ARHGEF26: variants seen among roughly 807,000 people sequenced by gnomAD.
ARHGEF26 encodes the protein Rho guanine nucleotide exchange factor 26, also known as Rho guanine nucleotide exchange factor (GEF) 26.
Under a neutral mutation model 89.4 loss-of-function variants are expected in ARHGEF26, and 59 were observed. That is an observed-to-expected ratio of 0.66 (90% confidence interval 0.54 to 0.82). The LOEUF (loss-of-function observed/expected upper bound fraction) is 0.82, where lower values mean the gene tolerates loss of function less well. ARHGEF26 is among the 40% of genes least tolerant of loss of function. The pLI is 0.00. For missense variants in ARHGEF26, 1,234 were observed against 1,085.6 expected, an observed-to-expected ratio of 1.14 and a Z score of -1.92; for synonymous variants, 500 against 428.4, an observed-to-expected ratio of 1.17 and a Z score of -2.06.
In ARHGEF26 at chr3:154,188,509, A is replaced by G. The variant is rs181625031; in HGVS notation, c.1640+672A>G. 3.3e-5 allele frequency among the ~76,000 whole-genome samples: 5 copies of G among 152,306 alleles called. No individual in the cohort carries two copies. In the East Asian group the frequency reaches 7.7e-4, roughly 23 times the overall value. ...ATCTGTGTCCTTAAAAGAGTCACCA[A>G]TTGTTCAGTAATGCCTATATGTATT... On this transcript the variant is annotated intron_variant, in intron 7 of 14. Coordinates refer to ENST00000465093, the MANE Select transcript of ARHGEF26 (RefSeq NM_015595.4).
chr3:154,231,463 T>C (rs1716818437), intron 11 of ARHGEF26, among the ~76,000 whole-genome samples: 1 of 152,166 alleles, frequency 6.6e-6, no homozygotes, highest in Non-Finnish European at 1.5e-5. Flanking sequence ...AATAACATCA[T>C]CTTCATCATG....
At chr3:154,216,484 T>TTA (rs1559905513) in intron 9 of ARHGEF26, among the ~76,000 whole-genome samples, 2,201 of 37,808 alleles carry the variant, frequency 0.058, 41 homozygotes, top group Admixed American at 0.1. Context: ...ACTTGTTTTT[T>TTA]TTTTTTTATT....
chr3:154,222,042 C>T (rs1716165580), intron 10 of ARHGEF26, among the ~76,000 whole-genome samples: 1 of 152,280 alleles, frequency 6.6e-6, no homozygotes, highest in African/African-American at 2.4e-5. Flanking sequence ...ATAATGTACC[C>T]TTATTATTAA....
At chr3:154,202,429 G>A (rs1017804783) in intron 9 of ARHGEF26, among the ~76,000 whole-genome samples, 2 of 152,106 alleles carry the variant, frequency 1.3e-5, no homozygotes, top group African/African-American at 4.8e-5. Context: ...TTGAAGTCAG[G>A]TAGCGTGATG....
intron 11 of ARHGEF26, among the ~76,000 whole-genome samples, chr3:154,235,497 A>C (rs1373697614): frequency 6.6e-6 from 1 of 152,224 alleles, no homozygotes; most frequent in Non-Finnish European, 1.5e-5. Context: ...CAATGATGTC[A>C]TCTGCAAAGA....
At chr3:154,253,243 A>G in intron 13 of ARHGEF26, 60 bp downstream of exon 13, 2 of 1,588,552 alleles carry the variant, frequency 1.3e-6, no homozygotes, top group South Asian at 2.2e-5. Context: ...CCCCTGCTGG[A>G]CGCCGGGTTA....
intron 9 of ARHGEF26, among the ~76,000 whole-genome samples, chr3:154,204,725 A>G (rs1403929860): frequency 2.6e-5 from 4 of 151,978 alleles, no homozygotes; most frequent in African/African-American, 4.8e-5. Flanking sequence ...TTGTGTTTCC[A>G]TTATCATTTG....
At position 154,203,248 on chromosome 3, in the gene ARHGEF26, T is replaced by G. The variant is rs530297948; in HGVS notation, c.1845+8530T>G. On this transcript the variant is annotated intron_variant, in intron 9 of 14. Transcript: ENST00000465093. ...TGTCAAAGGCCTTTTCTGCATCTGTTGAGAAATCATATGGTTTTTGTCTTT... is the reference window on the plus strand; with the variant it reads ...TGTCAAAGGCCTTTTCTGCATCTGTGGAGAAATCATATGGTTTTTGTCTTT... Among the ~76,000 whole-genome samples the G allele has an allele frequency of 5.9e-5, 9 of 152,284 alleles. No individual in the cohort carries two copies. The South Asian group carries it at 1.9e-3, about 32-fold the overall frequency.
At chr3:154,142,869 C>T (rs976726024) in intron 4 of ARHGEF26, among the ~76,000 whole-genome samples, 4 of 152,174 alleles carry the variant, frequency 2.6e-5, no homozygotes, top group Admixed American at 6.5e-5. Flanking sequence ...CACTCATTTT[C>T]AGCACTGCCT....
intron 5 of ARHGEF26, among the ~76,000 whole-genome samples, chr3:154,149,931 A>T (rs1719921293): frequency 1.3e-5 from 2 of 151,818 alleles, no homozygotes; most frequent in South Asian, 4.1e-4. Flanking sequence ...TTAGTAAAAA[A>T]AAAAAAAACA....
chr3:154,256,468 C>G lies in ARHGEF26; in HGVS notation c.*995C>G, dbSNP rs533425160. On this transcript the variant is annotated 3_prime_UTR_variant, in exon 15 of 15. Transcript: ENST00000465093. The stretch of plus-strand genomic sequence containing the variant: ...TTAACTCCTGCCCTCAAGTGATCCA[C>G]CAGAGAGGAGATCCTCGGCCTCCCC... The G allele has an allele frequency of 7.9e-6, 7 of 891,498 alleles. No individual in the cohort carries two copies. The South Asian group carries it at 3.6e-4, about 46-fold the overall frequency. 55.2% of individuals were successfully genotyped at this position (891,498 alleles called of 1,614,324 possible).
intron 9 of ARHGEF26, among the ~76,000 whole-genome samples, chr3:154,212,174 A>G (rs1231869252): frequency 2.0e-5 from 3 of 152,002 alleles, no homozygotes; most frequent in African/African-American, 7.3e-5. Flanking sequence ...CCTCTTCTCC[A>G]CAGTAAATCA....
At chr3:154,254,948 C>A in intron 14 of ARHGEF26, 124 bp downstream of exon 14, 2 of 795,908 alleles carry the variant, frequency 2.5e-6, no homozygotes, top group Non-Finnish European at 4.1e-6. Context: ...TTTGAGATCA[C>A]ATATATGTAC....
rs938247762 is a variant in ARHGEF26 at position 154,121,950 on chromosome 3, A to G, written c.-43A>G. On this transcript the variant is annotated 5_prime_UTR_variant, in exon 2 of 15. Transcript: ENST00000465093. The stretch of plus-strand genomic sequence containing the variant: ...ACTTCTTTCCTCTTTAGGCAAGACT[A>G]ACTCGGTGTTGCTCCTCCCGGCGCT... 4 of 1,545,536 alleles carry G rather than the reference A, an allele frequency of 2.6e-6. No individual in the cohort carries two copies. The highest frequency in any genetic ancestry group is 2.7e-5 in the African/African-American group (2 of 72,770).
intron 6 of ARHGEF26, among the ~76,000 whole-genome samples, chr3:154,157,064 G>T (rs1432762096): frequency 6.6e-6 from 1 of 152,118 alleles, no homozygotes; most frequent in Non-Finnish European, 1.5e-5. Flanking sequence ...TATGTAAGTT[G>T]ACACTATTTG....
chr3:154,206,611 G>C (rs908893025), intron 9 of ARHGEF26, among the ~76,000 whole-genome samples: 3 of 152,262 alleles, frequency 2.0e-5, no homozygotes, highest in Admixed American at 6.5e-5. Context: ...AGAAATCAGA[G>C]ATGACATAAA....
chr3:154,253,901 T>A (rs1718316559), intron 13 of ARHGEF26, among the ~76,000 whole-genome samples: 1 of 152,260 alleles, frequency 6.6e-6, no homozygotes, highest in Non-Finnish European at 1.5e-5. Flanking sequence ...AAATCAAGCT[T>A]TGTATTAAAA....
rs368602793 is a variant in ARHGEF26, at chr3:154,191,435, G to C, written c.1770+17G>C. 2.0e-5 allele frequency: 32 copies of C among 1,609,268 alleles called. No individual in the cohort carries two copies. The highest frequency in any genetic ancestry group is 2.6e-5 in the Non-Finnish European group (31 of 1,178,470). ...CTGATGGATGTAAGACATGACGGTG[G>C]CTTTTTCCTCTGTGGATAGCTGTGC... is the stretch of plus-strand genomic sequence containing the variant. On this transcript the variant is annotated intron_variant, in intron 8 of 14. Transcript: ENST00000465093.
At chr3:154,135,609 C>T (rs368105881) in intron 4 of ARHGEF26, among the ~76,000 whole-genome samples, 1 of 152,108 alleles carries the variant, frequency 6.6e-6, no homozygotes, top group African/African-American at 2.4e-5. Context: ...GGTGCCTCAC[C>T]CAAAACAGCA....
Sources: allele counts gnomAD v4.1 joint callset (sites outside exome capture counted in the v4.1 genomes callset), GRCh38; gene constraint gnomAD v4.1.1; transcripts MANE v1.5; gene names NCBI Gene and HGNC (gene_info 2026-07-23, HGNC 2026-07-21).